The following PAX4 variants were observed in gnomAD, a reference collection of about 807,000 sequenced individuals.
PAX4 encodes paired box 4.
PAX4 carries 33 observed loss-of-function variants against 40.6 expected under a neutral mutation model. The ratio of observed to expected loss-of-function variants is 0.81; its 90% confidence interval spans 0.62 to 1.09. The LOEUF (loss-of-function observed/expected upper bound fraction) is 1.09, where lower values mean the gene tolerates loss of function less well. PAX4 is among the 50% of genes least tolerant of loss of function. The pLI is 0.00. For synonymous variants in PAX4, 174 were observed against 170.6 expected (o/e 1.02, Z -0.16); for missense variants, 459 against 442.5 (o/e 1.04, Z -0.33).
In PAX4 at chr7:127,614,862, G is replaced by T; in HGVS notation, c.360+18C>A. 6.2e-7 allele frequency: 1 copy of T among 1,612,706 alleles called. No homozygotes were observed. Among genetic ancestry groups the T allele is most frequent in the Non-Finnish European group, 8.5e-7 (1 of 1,179,328 alleles). On this transcript the variant is annotated intron_variant, in intron 5 of 11. Coordinates refer to ENST00000639438, the MANE Select transcript of PAX4 (RefSeq NM_001366110.1). The stretch of plus-strand genomic sequence containing the variant: ...AGCCTCTTTTCCAGCCCCAGTGTGG[G>T]GAGGGAAGGGTACTTACACTGGGAG...
chr7:127,610,546 A>AGTGTGTGT lies in PAX4; in HGVS notation c.*510_*517dup, dbSNP rs36159526. The AGTGTGTGT allele has an allele frequency of 6.9e-4, 142 of 204,558 alleles. 1 individual carries two copies. The highest frequency in any genetic ancestry group is 2.5e-3 in the African/African-American group (96 of 38,992). 12.7% of individuals were successfully genotyped at this position (204,558 alleles called of 1,614,324 possible). ...GAATAAAATGCCATGATATAATGTC[A>AGTGTGTGT]GTGTGTGTGTGTGTGTGTGTGTGTG... On this transcript the variant is annotated 3_prime_UTR_variant, in exon 12 of 12. Transcript: ENST00000639438.
Position 127,614,565 on chromosome 7 carries a change from T to C in PAX4, c.361-8A>G, listed in dbSNP as rs1246067590. Reference sequence around the variant, plus strand: ...TCGGTTGATGGAGGAGACCTGGGAGTGTCAGGGTGTTGAGTGGAGAGATGG... The same window carrying C: ...TCGGTTGATGGAGGAGACCTGGGAGCGTCAGGGTGTTGAGTGGAGAGATGG... On this transcript the variant is annotated splice_region_variant and splice_polypyrimidine_tract_variant and intron_variant, in intron 5 of 11. Transcript: ENST00000639438. The C allele has an allele frequency of 6.3e-7, 1 of 1,584,042 alleles. No homozygotes were observed. Among genetic ancestry groups the C allele is most frequent in the Non-Finnish European group, 8.6e-7 (1 of 1,164,258 alleles).
chr7:127,610,625 G>A lies in PAX4; in HGVS notation c.*439C>T. On this transcript the variant is annotated 3_prime_UTR_variant, in exon 12 of 12. Coordinates refer to ENST00000639438, the MANE Select transcript of PAX4 (RefSeq NM_001366110.1). ...ACATATAGATGCATACATAGAGTAGGTAAATTGATGCATTGACAAATACAT... is the reference window on the plus strand; with the variant it reads ...ACATATAGATGCATACATAGAGTAGATAAATTGATGCATTGACAAATACAT... The A allele has an allele frequency of 1.8e-6, 1 of 565,474 alleles. No individual in the cohort carries two copies. Among genetic ancestry groups the A allele is most frequent in the Non-Finnish European group, 3.2e-6 (1 of 315,662 alleles). 35.0% of individuals were successfully genotyped at this position (565,474 alleles called of 1,614,324 possible).
Position 127,610,572 on chromosome 7 carries a change from C to T in PAX4, c.*492G>A, listed in dbSNP as rs405576. 4,505 of 275,170 alleles carry T rather than the reference C, an allele frequency of 0.016. 46 individuals carry two copies. Among genetic ancestry groups the T allele is most frequent in the African/African-American group, 0.044 (915 of 20,714 alleles). The allele number at this position is 275,170 out of a possible 1,614,324, so 17.0% of individuals were successfully genotyped here. ...GTGTGTGTGTGTGTGTGTGTGTGTGCGCGCACGCATGCACGCATACATAAT... is the reference window on the plus strand; with the variant it reads ...GTGTGTGTGTGTGTGTGTGTGTGTGTGCGCACGCATGCACGCATACATAAT... On this transcript the variant is annotated 3_prime_UTR_variant, in exon 12 of 12. Coordinates refer to ENST00000639438, the MANE Select transcript of PAX4 (RefSeq NM_001366110.1).
At chr7:127,612,230 T>G (rs1794639152) in intron 9 of PAX4, among the ~76,000 whole-genome samples, 1 of 152,200 alleles carries the variant, frequency 6.6e-6, no homozygotes, top group Non-Finnish European at 1.5e-5. Context: ...CTGGGGACAG[T>G]GCAGCCTTAA....
chr7:127,611,828 T>G, intron 10 of PAX4, 117 bp downstream of exon 10: 1 of 1,593,954 alleles, frequency 6.3e-7, no homozygotes, highest in South Asian at 1.1e-5. Context: ...AGTACTTTCT[T>G]GACATGAACA....
chr7:127,613,200 G>T, intron 8 of PAX4, 109 bp from the exon 9 acceptor site: 3 of 971,764 alleles, frequency 3.1e-6, no homozygotes, highest in Non-Finnish European at 3.3e-6. Context: ...CCTTCCTTGG[G>T]CCTGACATCC....
At position 127,613,938 on chromosome 7, in the gene PAX4, T is replaced by C. The variant is rs986078351; in HGVS notation, c.437-57A>G. 1.2e-5 allele frequency: 20 copies of C among 1,604,996 alleles called. No homozygotes were observed. In the African/African-American group the frequency reaches 2.3e-4, roughly 18 times the overall value. ...TGTGATGGTGATTCCTCTGGTCAGA[T>C]GGGGTCCCTGAGTCTCTGGGGCTGC... On this transcript the variant is annotated intron_variant, in intron 6 of 11. Coordinates refer to ENST00000639438, the MANE Select transcript of PAX4 (RefSeq NM_001366110.1).
At position 127,610,703 on chromosome 7, in the gene PAX4, A is replaced by G. The variant is rs558844898; in HGVS notation, c.*361T>C. 1.3e-5 allele frequency: 8 copies of G among 627,124 alleles called. No homozygotes were observed. Among genetic ancestry groups the G allele is most frequent in the Middle Eastern group, 3.8e-4 (1 of 2,598 alleles). The allele number at this position is 627,124 out of a possible 1,614,324, so 38.8% of individuals were successfully genotyped here. A position where few individuals can be genotyped will look rare whatever the true frequency, so the allele number is the denominator to read the frequency against. ...CATGCATAGATTAGATGGTAGATAC[A>G]TAGATGTAAATAAATGATAGGGCAA... On this transcript the variant is annotated 3_prime_UTR_variant, in exon 12 of 12. Transcript: ENST00000639438.
rs1470038049 is a variant in PAX4, at chr7:127,615,994, T to C, written c.-66A>G. 4 of 1,524,606 alleles carry C rather than the reference T, an allele frequency of 2.6e-6. No homozygotes were observed. Among genetic ancestry groups the C allele is most frequent in the Non-Finnish European group, 3.5e-6 (4 of 1,137,422 alleles). 94.4% of individuals were successfully genotyped at this position (1,524,606 alleles called of 1,614,324 possible). A position where few individuals can be genotyped will look rare whatever the true frequency, so the allele number is the denominator to read the frequency against. On this transcript the variant is annotated 5_prime_UTR_variant, in exon 3 of 12. Coordinates refer to ENST00000639438, the MANE Select transcript of PAX4 (RefSeq NM_001366110.1). Reference sequence around the variant, plus strand: ...GGGAAGGCTGGGAAGGGAAGTTCCTTCTAGGAGCTCCTTTTCCAGCTTGGG... The same window carrying C: ...GGGAAGGCTGGGAAGGGAAGTTCCTCCTAGGAGCTCCTTTTCCAGCTTGGG...
chr7:127,613,654 A>G, intron 7 of PAX4, 102 bp downstream of exon 7: 1 of 1,502,526 alleles, frequency 6.7e-7, no homozygotes, highest in Non-Finnish European at 9.0e-7. Context: ...AGGCAGGGCC[A>G]CTCACACCTG....
chr7:127,615,062 G>A lies in PAX4; in HGVS notation c.178C>T (p.Arg60Cys), dbSNP rs770923465. 37 of 1,614,168 alleles carry A rather than the reference G, an allele frequency of 2.3e-5. No individual in the cohort carries two copies. Among genetic ancestry groups the A allele is most frequent in the Non-Finnish European group, 2.6e-5 (31 of 1,180,018 alleles). The change falls in exon 5 of 12, where the codon CGT (arginine) becomes TGT (cysteine). Residue 60 changes from arginine to cysteine, a missense_variant. Physicochemically the swap from Arg to Cys is radical, Grantham distance 180 (BLOSUM62 -3). Coordinates refer to ENST00000639438, the MANE Select transcript of PAX4 (RefSeq NM_001366110.1). ...SNGCVSKILG[R>C]YYRTGVLEPK... ...TCCAAGACACCTGTGCGGTAGTAACGCCCTAGGATCTTGCTCACACAGCCA... is the reference window on the plus strand; with the variant it reads ...TCCAAGACACCTGTGCGGTAGTAACACCCTAGGATCTTGCTCACACAGCCA...
intron 10 of PAX4, 127 bp downstream of exon 10, chr7:127,611,818 A>G: frequency 1.9e-6 from 3 of 1,594,416 alleles, no homozygotes; most frequent in South Asian, 1.1e-5. Flanking sequence ...ACTTTGGGTT[A>G]GTACTTTCTT....
intron 10 of PAX4, 28 bp downstream of exon 10, chr7:127,611,917 G>T (rs1257524036): frequency 6.2e-7 from 1 of 1,613,614 alleles, no homozygotes; most frequent in African/African-American, 1.3e-5. Flanking sequence ...TCTTCCCAGG[G>T]CACAGACTCC....
At chr7:127,615,740 C>T (rs762103180) in intron 3 of PAX4, 176 bp downstream of exon 3, 40 of 1,497,504 alleles carry the variant, frequency 2.7e-5, no homozygotes, top group African/African-American at 1.1e-4. Flanking sequence ...CTTGCCCATA[C>T]CCGCCAACTC....
intron 5 of PAX4, 47 bp from the exon 6 acceptor site, chr7:127,614,604 G>A (rs1562960648): frequency 6.8e-7 from 1 of 1,468,396 alleles, no homozygotes; most frequent in Non-Finnish European, 9.4e-7. Context: ...TCAGACTCAG[G>A]GCTATACCCT....
At position 127,614,613 on chromosome 7, in the gene PAX4, C is replaced by A. The variant is rs995231208; in HGVS notation, c.361-56G>T. On this transcript the variant is annotated intron_variant, in intron 5 of 11. Coordinates refer to ENST00000639438, the MANE Select transcript of PAX4 (RefSeq NM_001366110.1). ...TGGTGCTCAGACTCAGGGCTATACC[C>A]TGAGGATGTTGCCCTTAATATCCTT... 3.5e-5 allele frequency: 50 copies of A among 1,428,882 alleles called. No homozygotes were observed. In the African/African-American group the frequency reaches 6.9e-4, roughly 20 times the overall value. 88.5% of individuals were successfully genotyped at this position (1,428,882 alleles called of 1,614,324 possible). A position where few individuals can be genotyped will look rare whatever the true frequency, so the allele number is the denominator to read the frequency against.
rs1794745607 is a variant in PAX4, at chr7:127,618,038, G to A, written c.-302C>T. The A allele has an allele frequency of 6.6e-6, 1 of 152,294 alleles. No individual in the cohort carries two copies. Among genetic ancestry groups the A allele is most frequent in the Non-Finnish European group, 1.5e-5 (1 of 68,116 alleles). 9.4% of individuals were successfully genotyped at this position (152,294 alleles called of 1,614,324 possible). The stretch of plus-strand genomic sequence containing the variant: ...GACCCCTGCAGGCTCCAGGGGTGGT[G>A]ATGATCTGGTCTTGGTAACAGCCTC... On this transcript the variant is annotated 5_prime_UTR_variant, in exon 1 of 12. Transcript: ENST00000639438.
At chr7:127,611,484 A>G (rs1458820149) in intron 11 of PAX4, 51 bp downstream of exon 11, 6 of 1,612,056 alleles carry the variant, frequency 3.7e-6, no homozygotes, top group Non-Finnish European at 5.1e-6. Flanking sequence ...AGGTTGAGTC[A>G]GTCGACCCTC....
Sources: allele counts gnomAD v4.1 joint callset (sites outside exome capture counted in the v4.1 genomes callset), GRCh38; gene constraint gnomAD v4.1.1; transcripts MANE v1.5; gene names NCBI Gene and HGNC (gene_info 2026-07-23, HGNC 2026-07-21).